FOXO3: variants seen among roughly 807,000 people sequenced by gnomAD.
FOXO3 encodes the protein forkhead box O3.
In FOXO3, 4 loss-of-function variants were observed where a neutral mutation model predicts 41.9. The ratio of observed to expected loss-of-function variants is 0.10; its 90% CI spans 0.05 to 0.22. FOXO3 has a LOEUF of 0.22. Ranked by LOEUF, FOXO3 falls within the 10% of genes least tolerant of loss-of-function variation. The pLI is 1.00. For synonymous variants in FOXO3, 318 were observed against 389.3 expected (o/e 0.82, Z 2.16); for missense variants, 534 against 906.8 (o/e 0.59, Z 5.28).
intron 1 of FOXO3, among the ~76,000 whole-genome samples, chr6:108,621,983 TG>T (rs919537626): frequency 7.2e-5 from 11 of 152,172 alleles, no homozygotes; most frequent in Non-Finnish European, 8.8e-5. Flanking sequence ...CCGGGAGTGG[TG>T]GCTTACCTAG....
chr6:108,634,045 C>T (rs997787205), intron 1 of FOXO3, among the ~76,000 whole-genome samples: 29 of 152,182 alleles, frequency 1.9e-4, no homozygotes, highest in Admixed American at 1.8e-3. Flanking sequence ...ATTATATGGG[C>T]CTTGGAGCCA....
rs1775767830 is a variant in FOXO3, at chr6:108,561,058, C to T, written c.-151C>T. ...GCTCCGGCCCGGGATAACCAACTCT[C>T]CTTCTCTCTTCTTTGGTGCTTCCCC... On this transcript the variant is annotated 5_prime_UTR_variant, in exon 1 of 3. Transcript: ENST00000406360. The T allele has an allele frequency of 7.0e-7, 1 of 1,418,658 alleles. No individual in the cohort carries two copies. The highest frequency in any genetic ancestry group is 9.1e-7 in the Non-Finnish European group (1 of 1,097,560). The allele number at this position is 1,418,658 out of a possible 1,614,324, so 87.9% of individuals were successfully genotyped here.
Position 108,590,137 on chromosome 6 carries a change from C to CT in FOXO3, c.621+28321dup, listed in dbSNP as rs200489337. Among the ~76,000 whole-genome samples the CT allele has an allele frequency of 3.7e-3, 534 of 143,990 alleles. 2 individuals carry two copies. Among genetic ancestry groups the CT allele is most frequent in the African/African-American group, 6.0e-3 (237 of 39,328 alleles). The allele number at this position is 143,990 out of a possible 152,430, so 94.5% of individuals were successfully genotyped here. ...TTCATTAATAGGATTTAATTTAAAT[C>CT]TTTTTTTTTTTTTGAGATGGCTTTA... is the stretch of plus-strand genomic sequence containing the variant. On this transcript the variant is annotated intron_variant, in intron 1 of 2. Transcript: ENST00000406360.
intron 1 of FOXO3, among the ~76,000 whole-genome samples, chr6:108,606,216 G>T (rs962915647): frequency 6.6e-6 from 1 of 152,208 alleles, no homozygotes; most frequent in African/African-American, 2.4e-5. Context: ...TAATGTTCTT[G>T]TCAGTTAATG....
intron 1 of FOXO3, among the ~76,000 whole-genome samples, chr6:108,563,633 C>T (rs894717113): frequency 2.6e-4 from 40 of 152,120 alleles, no homozygotes; most frequent in African/African-American, 8.9e-4. Context: ...GAGGAGAATA[C>T]GTTAGTGAAA....
At chr6:108,606,744 A>G (rs1424548828) in intron 1 of FOXO3, among the ~76,000 whole-genome samples, 2 of 152,198 alleles carry the variant, frequency 1.3e-5, no homozygotes, top group Non-Finnish European at 2.9e-5. Context: ...TAAAATGTAT[A>G]TTTTGATCAC....
rs373301906 is a variant in FOXO3, at chr6:108,574,933, G to A, written c.621+13104G>A. On this transcript the variant is annotated intron_variant, in intron 1 of 2. Transcript: ENST00000406360. Reference sequence around the variant, plus strand: ...GATAGACTGAAACTCTGTGATAAACGTGAGCAGGCAGCAGGATGCTACCTG... The same window carrying A: ...GATAGACTGAAACTCTGTGATAAACATGAGCAGGCAGCAGGATGCTACCTG... Among the ~76,000 whole-genome samples, 13 of 152,306 alleles carry A rather than the reference G, an allele frequency of 8.5e-5. No homozygotes were observed. The East Asian group carries it at 9.6e-4, about 11-fold the overall frequency.
chr6:108,618,741 C>T (rs905247387), intron 1 of FOXO3, among the ~76,000 whole-genome samples: 3 of 152,190 alleles, frequency 2.0e-5, no homozygotes, highest in African/African-American at 7.2e-5. Flanking sequence ...GCTCGTATCC[C>T]TAACTTTAAG....
upstream of FOXO3, among the ~76,000 whole-genome samples, chr6:108,560,465 G>T (rs1775739492): frequency 6.6e-6 from 1 of 152,174 alleles, no homozygotes; most frequent in Non-Finnish European, 1.5e-5. Context: ...AAGTGACAAG[G>T]GCCCATCTGC....
At chr6:108,635,356 G>A (rs1026691456) in intron 1 of FOXO3, among the ~76,000 whole-genome samples, 5 of 152,082 alleles carry the variant, frequency 3.3e-5, no homozygotes, top group African/African-American at 1.2e-4. Flanking sequence ...TTGCTTCTGA[G>A]AAAGGTAGAA....
chr6:108,669,242 G>A (rs1337696297), intron 2 of FOXO3, among the ~76,000 whole-genome samples: 1 of 152,242 alleles, frequency 6.6e-6, no homozygotes, highest in African/African-American at 2.4e-5. Flanking sequence ...GGCATCAGCA[G>A]GCTGCAGTAT....
intron 1 of FOXO3, among the ~76,000 whole-genome samples, chr6:108,593,888 TG>T (rs2128364007): frequency 6.6e-6 from 1 of 152,100 alleles, no homozygotes; most frequent in Non-Finnish European, 1.5e-5. Context: ...AGCTAATTTT[TG>T]TACCTTTTTA....
chr6:108,651,385 G>A (rs1439147446), intron 1 of FOXO3, among the ~76,000 whole-genome samples: 2 of 152,168 alleles, frequency 1.3e-5, no homozygotes, highest in Non-Finnish European at 2.9e-5. Flanking sequence ...TTTCCTAGCT[G>A]AAAAATGTGT....
chr6:108,573,007 G>T (rs1776149560), intron 1 of FOXO3, among the ~76,000 whole-genome samples: 1 of 152,052 alleles, frequency 6.6e-6, no homozygotes, highest in African/African-American at 2.4e-5. Flanking sequence ...AGAGCTTTTG[G>T]CCGGCGCGGT....
intron 1 of FOXO3, among the ~76,000 whole-genome samples, chr6:108,577,863 C>G (rs1215197787): frequency 6.6e-6 from 1 of 152,178 alleles, no homozygotes; most frequent in Non-Finnish European, 1.5e-5. Context: ...TATCACTTAA[C>G]AAACTGTGTT....
At chr6:108,594,228 TAA>T (rs1367494720) in intron 1 of FOXO3, among the ~76,000 whole-genome samples, 1 of 152,214 alleles carries the variant, frequency 6.6e-6, no homozygotes, top group East Asian at 1.9e-4. Context: ...AAATTTGACT[TAA>T]GTTTTAACTG....
chr6:108,659,549 C>T (rs58346079), intron 1 of FOXO3, among the ~76,000 whole-genome samples: 4 of 152,144 alleles, frequency 2.6e-5, no homozygotes, highest in African/African-American at 4.8e-5. Context: ...CACTGACATA[C>T]TAATTCTTGC....
chr6:108,577,178 GC>G (rs1776285037), intron 1 of FOXO3, among the ~76,000 whole-genome samples: 1 of 142,590 alleles, frequency 7.0e-6, no homozygotes, highest in South Asian at 2.3e-4. Context: ...AAAGTTCTTT[GC>G]CCCAAGTTCT....
At chr6:108,565,300 G>A (rs184397583) in intron 1 of FOXO3, among the ~76,000 whole-genome samples, 229 of 152,324 alleles carry the variant, frequency 1.5e-3, no homozygotes, top group Non-Finnish European at 2.8e-3. Flanking sequence ...CAGGGAGAAG[G>A]ATGATGACTA....
Sources: gnomAD v4.1 joint callset for allele counts (sites outside exome capture counted in the v4.1 genomes callset) on GRCh38, gnomAD v4.1.1 for gene constraint, MANE v1.5 for transcripts, NCBI Gene and HGNC (gene_info 2026-07-23, HGNC 2026-07-21) for gene names.